Variants in ATP7A observed in about 807,000 individuals in gnomAD.
ATP7A encodes copper-transporting ATPase 1.
ATP7A carries 7 observed loss-of-function variants against 83.5 expected under a neutral mutation model. The observed-to-expected ratio is 0.08, with a 90% CI of 0.05 to 0.16. The LOEUF (loss-of-function observed/expected upper bound fraction) is 0.16, where lower values mean the gene tolerates loss of function less well. Among genes scored for constraint, ATP7A ranks in the 10% least tolerant of loss-of-function variants. The pLI, the probability that ATP7A is intolerant of heterozygous loss-of-function variation, is 1.00. For missense variants in ATP7A, 940 were observed against 1,120.8 expected, an observed-to-expected ratio of 0.84 and a Z score of 2.30; for synonymous variants, 354 against 395.2, an observed-to-expected ratio of 0.90 and a Z score of 1.24.
rs182102318 is a variant in ATP7A at position 78,007,854 on chromosome X, G to T, written c.1708-1248G>T. Among the ~76,000 whole-genome samples, 23 of 111,887 alleles carry T rather than the reference G, an allele frequency of 2.1e-4. No homozygotes were observed. The East Asian group carries it at 6.4e-3, about 31-fold the overall frequency. ...AGGTATATGAGACGTTTTGATACAG[G>T]CATGCAATGAGTAACAAACACATCA... On this transcript the variant is annotated intron_variant, in intron 6 of 22. Coordinates refer to ENST00000341514, the MANE Select transcript of ATP7A (RefSeq NM_000052.7).
At position 77,953,592 on chromosome X, in the gene ATP7A, A is replaced by G. The variant is rs782471852; in HGVS notation, c.-21-18029A>G. ...AAAAACATGTTTCTACCTTTTGTCT[A>G]TTATTGACATGGCAGCAATTGCTTA... On this transcript the variant is annotated intron_variant, in intron 1 of 22. Coordinates refer to ENST00000341514, the MANE Select transcript of ATP7A (RefSeq NM_000052.7). 8.9e-5 allele frequency among the ~76,000 whole-genome samples: 10 copies of G among 112,506 alleles called. No individual in the cohort carries two copies. The South Asian group carries it at 3.3e-3, about 37-fold the overall frequency.
At chrX:78,012,417 T>G (rs1044894911) in intron 9 of ATP7A, among the ~76,000 whole-genome samples, 26 of 110,571 alleles carry the variant, frequency 2.4e-4, no homozygotes, top group African/African-American at 7.9e-4. Flanking sequence ...AAAAAATCCT[T>G]GAGAAAATGT....
chrX:78,006,871 A>G (rs1463891492), intron 6 of ATP7A, among the ~76,000 whole-genome samples: 1 of 112,471 alleles, frequency 8.9e-6, no homozygotes, highest in Non-Finnish European at 1.9e-5. Context: ...CAATGTATGA[A>G]TATACTACAT....
rs1291419497 is a variant in ATP7A at position 78,050,070 on chromosome X, C to T, written c.*3500C>T. ...ATTTTTACACTAACTTTCTGCAGTC[C>T]CTCCATCTGGTATGAGTAACCAGAT... is the stretch of plus-strand genomic sequence containing the variant. On this transcript the variant is annotated 3_prime_UTR_variant, in exon 23 of 23. Coordinates refer to ENST00000341514, the MANE Select transcript of ATP7A (RefSeq NM_000052.7). 8.9e-6 allele frequency: 1 copy of T among 111,798 alleles called. No homozygotes were observed. The highest frequency in any genetic ancestry group is 1.9e-5 in the Non-Finnish European group (1 of 53,075). The allele number at this position is 111,798 out of a possible 1,213,427, so 9.2% of individuals were successfully genotyped here. A position where few individuals can be genotyped will look rare whatever the true frequency, so the allele number is the denominator to read the frequency against.
chrX:78,043,493 T>C (rs921267691), intron 21 of ATP7A, 59 bp downstream of exon 21: 5 of 927,140 alleles, frequency 5.4e-6, no homozygotes, highest in Non-Finnish European at 3.1e-6. Flanking sequence ...ACCTAACATA[T>C]TGGAAGCCTG....
chrX:77,936,538 A>C (rs782693523), intron 1 of ATP7A, among the ~76,000 whole-genome samples: 1 of 111,752 alleles, frequency 8.9e-6, no homozygotes, highest in Non-Finnish European at 1.9e-5. Context: ...CATCTTCCCA[A>C]ACTGAAACTC....
chrX:77,925,322 G>T (rs1557223474), intron 1 of ATP7A, among the ~76,000 whole-genome samples: 2 of 111,783 alleles, frequency 1.8e-5, no homozygotes, highest in Non-Finnish European at 3.8e-5. Flanking sequence ...TAAGAGGAAA[G>T]ATAACTTTGC....
chrX:77,930,985 C>CTTTT (rs1180844779), intron 1 of ATP7A, among the ~76,000 whole-genome samples: 1 of 34,934 alleles, frequency 2.9e-5, no homozygotes, highest in Non-Finnish European at 5.4e-5. Context: ...TAGGAACATT[C>CTTTT]TTTTTTTTTT....
chrX:77,984,210 C>T (rs1442770723), intron 2 of ATP7A, among the ~76,000 whole-genome samples: 4 of 111,106 alleles, frequency 3.6e-5, no homozygotes, highest in Admixed American at 9.6e-5. Context: ...ATCAGACTGC[C>T]GCCAGCACTT....
rs782166627 is a variant in ATP7A at position 78,038,956 on chromosome X, G to A, written c.3632G>A (p.Arg1211Gln). The change falls in exon 18 of 23, where the codon CGG becomes CAG. Residue 1211 changes from arginine (R) to glutamine (Q), a missense_variant. Physicochemically the swap from Arg to Gln is conservative, Grantham distance 43. This residue lies in a region of ATP7A where 386 missense variants were observed against 502.2 expected (regional missense o/e 0.77). Coordinates refer to ENST00000341514, the MANE Select transcript of ATP7A (RefSeq NM_000052.7). ...ATGACTGAACATGAGAGAAAAGGTC[G>A]GACTGCTGTATTAGTAGCAGTTGAT... Reference protein sequence around the residue: ...DFMTEHERKGRTAVLVAVDDE... With the variant: ...DFMTEHERKGQTAVLVAVDDE... 3.3e-5 allele frequency: 40 copies of A among 1,209,218 alleles called. No individual in the cohort carries two copies. The highest frequency in any genetic ancestry group is 2.6e-4 in the Admixed American group (12 of 45,736).
intron 1 of ATP7A, among the ~76,000 whole-genome samples, chrX:77,931,025 T>A (rs2077270612): frequency 1.9e-5 from 2 of 103,593 alleles, no homozygotes; most frequent in Admixed American, 2.1e-4. Context: ...TTTTATTTTT[T>A]ATTTTTTATT....
At chrX:77,966,797 A>T (rs1225280331) in intron 1 of ATP7A, 2 of 329,071 alleles carry the variant, frequency 6.1e-6, no homozygotes, top group Non-Finnish European at 1.2e-5. Flanking sequence ...TTCTTCTAAA[A>T]AAAACCAGGA....
At chrX:77,962,722 G>A (rs1557228200) in intron 1 of ATP7A, 1 of 387,580 alleles carries the variant, frequency 2.6e-6, no homozygotes, top group South Asian at 2.3e-5. Flanking sequence ...GAGGAAGTGG[G>A]GCTGCAGATC....
At position 78,011,433 on chromosome X, in the gene ATP7A, A is replaced by C. The variant is rs374227722; in HGVS notation, c.1947-16A>C. ...TTATGACCATGATTTTTCTTTTTTT[A>C]TTTTTTCCATATAAGATGGAGACGG... On this transcript the variant is annotated splice_polypyrimidine_tract_variant and intron_variant, in intron 8 of 22. Coordinates refer to ENST00000341514, the MANE Select transcript of ATP7A (RefSeq NM_000052.7). The C allele has an allele frequency of 5.8e-6, 7 of 1,196,765 alleles. No individual in the cohort carries two copies. In the African/African-American group the frequency reaches 8.9e-5, roughly 15 times the overall value.
intron 1 of ATP7A, among the ~76,000 whole-genome samples, chrX:77,918,575 G>C (rs1557222787): frequency 3.6e-5 from 4 of 111,366 alleles, no homozygotes; most frequent in African/African-American, 1.3e-4. Context: ...TGGCTGTGCT[G>C]TTCTTCCTTT....
chrX:77,956,784 T>G (rs1329355696), intron 1 of ATP7A, among the ~76,000 whole-genome samples: 5 of 102,149 alleles, frequency 4.9e-5, no homozygotes, highest in African/African-American at 1.8e-4. Context: ...TCTTTCTTTC[T>G]TTCTCTTTCT....
At chrX:78,006,942 T>C (rs782457442) in intron 6 of ATP7A, among the ~76,000 whole-genome samples, 4 of 112,460 alleles carry the variant, frequency 3.6e-5, no homozygotes, top group Non-Finnish European at 7.5e-5. Flanking sequence ...TGAATATTGC[T>C]GCTATTATAA....
chrX:77,956,671 A>G (rs2077442300), intron 1 of ATP7A, among the ~76,000 whole-genome samples: 1 of 111,456 alleles, frequency 9.0e-6, no homozygotes, highest in African/African-American at 3.3e-5. Flanking sequence ...ATACTTGTAC[A>G]GCCTGCAGAA....
intron 1 of ATP7A, among the ~76,000 whole-genome samples, chrX:77,932,636 A>G (rs2077294515): frequency 8.9e-6 from 1 of 112,133 alleles, no homozygotes; most frequent in African/African-American, 3.2e-5. Flanking sequence ...AGTGAACCAG[A>G]CTCCGTCTGC....
Sources: allele counts gnomAD v4.1 joint callset (sites outside exome capture counted in the v4.1 genomes callset), GRCh38; gene constraint gnomAD v4.1.1; regional missense constraint gnomAD v4.1.1; transcripts MANE v1.5; gene names NCBI Gene and HGNC (gene_info 2026-07-23, HGNC 2026-07-21).